POU2F3: variants seen among roughly 807,000 people sequenced by gnomAD.
The protein encoded by POU2F3 is POU domain, class 2, transcription factor 3.
POU2F3 carries 23 observed loss-of-function variants against 59.2 expected under a neutral mutation model. That is an observed-to-expected ratio of 0.39 (90% CI 0.28 to 0.55). The LOEUF is 0.55. Among genes scored for constraint, POU2F3 ranks in the 20% least tolerant of loss-of-function variants. The pLI, the probability that POU2F3 is intolerant of heterozygous loss-of-function variation, is 0.66. For synonymous variants in POU2F3, 190 were observed against 214.6 expected (o/e 0.89, Z 1.00); for missense variants, 473 against 544.5 (o/e 0.87, Z 1.31).
chr11:120,313,058 G>A (rs1941690240), intron 10 of POU2F3, among the ~76,000 whole-genome samples: 1 of 152,134 alleles, frequency 6.6e-6, no homozygotes, highest in South Asian at 2.1e-4. Context: ...TGAGGAGGCT[G>A]GAATGGTAGG....
At chr11:120,305,393 G>A in intron 7 of POU2F3, 181 bp downstream of exon 7, 2 of 903,314 alleles carry the variant, frequency 2.2e-6, no homozygotes, top group Admixed American at 2.9e-5. Flanking sequence ...GACGTTGCTG[G>A]TGGAGGAGAA....
chr11:120,253,093 G>T (rs1939182104), intron 2 of POU2F3, among the ~76,000 whole-genome samples: 1 of 152,030 alleles, frequency 6.6e-6, no homozygotes, highest in Non-Finnish European at 1.5e-5. Flanking sequence ...CTGGGAGGAG[G>T]ACCAGTGTTT....
At chr11:120,258,629 C>T (rs990936802) in intron 2 of POU2F3, among the ~76,000 whole-genome samples, 1 of 152,164 alleles carries the variant, frequency 6.6e-6, no homozygotes, top group Non-Finnish European at 1.5e-5. Context: ...TATTTAACTT[C>T]CTTTGAAGTT....
chr11:120,267,028 A>C (rs1466256919), intron 2 of POU2F3, among the ~76,000 whole-genome samples: 1 of 150,284 alleles, frequency 6.7e-6, no homozygotes. Context: ...CAATGTCACA[A>C]AGGGATTTTT....
At chr11:120,272,925 A>C (rs563783575) in intron 3 of POU2F3, among the ~76,000 whole-genome samples, 3 of 152,292 alleles carry the variant, frequency 2.0e-5, no homozygotes, top group African/African-American at 7.2e-5. Context: ...TTTCCTGACA[A>C]ATAAACTGGA....
chr11:120,290,069 C>A (rs1014147105), intron 3 of POU2F3, among the ~76,000 whole-genome samples: 1 of 152,178 alleles, frequency 6.6e-6, no homozygotes, highest in African/African-American at 2.4e-5. Context: ...CAGAAGACCA[C>A]CTTTTCCAGC....
rs200735927 is a variant in POU2F3, at chr11:120,319,853, T to TA, written c.*1472dup. On this transcript the variant is annotated 3_prime_UTR_variant, in exon 13 of 13. Coordinates refer to ENST00000543440, the MANE Select transcript of POU2F3 (RefSeq NM_014352.4). ...TGAAGCCATTCCAGAAATGGTAACTTAAAAAAAAAAAGACTACATGTCTAG... is the reference window on the plus strand; with the variant it reads ...TGAAGCCATTCCAGAAATGGTAACTTAAAAAAAAAAAAGACTACATGTCTAG... 16,985 of 146,228 alleles carry TA rather than the reference T, an allele frequency of 0.12. 1,141 individuals are homozygous for TA. The highest frequency in any genetic ancestry group is 0.24 in the South Asian group (1,090 of 4,594). 9.1% of individuals were successfully genotyped at this position (146,228 alleles called of 1,614,324 possible).
intron 5 of POU2F3, chr11:120,301,489 C>T (rs1252874219): frequency 6.3e-6 from 1 of 159,270 alleles, no homozygotes. Context: ...TACATTGTGA[C>T]CCAGAACAGC....
rs143697933 is a variant in POU2F3, at chr11:120,306,875, G to A, written c.770-604G>A. On this transcript the variant is annotated intron_variant, in intron 8 of 12. Transcript: ENST00000543440. ...TGAGCGAAATGATCCGAAGGTCTTCGAATCTCTGGGGAAGGGCCCTGTGAC... is the reference window on the plus strand; with the variant it reads ...TGAGCGAAATGATCCGAAGGTCTTCAAATCTCTGGGGAAGGGCCCTGTGAC... Among the ~76,000 whole-genome samples the A allele has an allele frequency of 4.6e-5, 7 of 152,306 alleles. No individual in the cohort carries two copies. The East Asian group carries it at 9.7e-4, about 21-fold the overall frequency.
chr11:120,314,979 C>A (rs1941744211), intron 10 of POU2F3, among the ~76,000 whole-genome samples: 1 of 152,184 alleles, frequency 6.6e-6, no homozygotes, highest in Non-Finnish European at 1.5e-5. Flanking sequence ...CAATGGAGAC[C>A]AGAAAATGAC....
intron 3 of POU2F3, among the ~76,000 whole-genome samples, chr11:120,283,941 A>G (rs1940679413): frequency 7.4e-6 from 1 of 134,452 alleles, no homozygotes; most frequent in Non-Finnish European, 1.5e-5. Flanking sequence ...AAATAAATGC[A>G]TGGAGGCAAG....
At chr11:120,302,487 G>C in intron 6 of POU2F3, 119 bp downstream of exon 6, 1 of 904,896 alleles carries the variant, frequency 1.1e-6, no homozygotes, top group Non-Finnish European at 1.7e-6. Flanking sequence ...AGAGGGGATA[G>C]CAGGGAACTA....
chr11:120,298,523 G>A (rs1264212004), intron 4 of POU2F3, 133 bp downstream of exon 4: 4 of 1,288,448 alleles, frequency 3.1e-6, no homozygotes, highest in South Asian at 1.4e-5. Flanking sequence ...GAGGCTGTGA[G>A]TAGGGTTCTA....
chr11:120,299,146 C>T (rs1941272967), intron 4 of POU2F3, among the ~76,000 whole-genome samples: 1 of 152,130 alleles, frequency 6.6e-6, no homozygotes, highest in Non-Finnish European at 1.5e-5. Flanking sequence ...TTTGCTCCAC[C>T]CCCCAACTCC....
chr11:120,239,510 GGGA>G (rs1938581237), upstream of POU2F3, among the ~76,000 whole-genome samples: 1 of 151,974 alleles, frequency 6.6e-6, no homozygotes, highest in South Asian at 2.1e-4. Flanking sequence ...GACCTGGGGC[GGGA>G]GACTGGAGGG....
chr11:120,316,484 G>T (rs1941792060), intron 11 of POU2F3, among the ~76,000 whole-genome samples: 1 of 152,294 alleles, frequency 6.6e-6, no homozygotes, highest in East Asian at 1.9e-4. Context: ...GCAATGTGGT[G>T]ACACAATCAT....
At chr11:120,293,846 G>C (rs1157155682) in intron 3 of POU2F3, among the ~76,000 whole-genome samples, 1 of 152,152 alleles carries the variant, frequency 6.6e-6, no homozygotes, top group Admixed American at 6.5e-5. Flanking sequence ...CGTCACCGAT[G>C]GTCTATTCTC....
intron 6 of POU2F3, chr11:120,302,626 T>C: frequency 2.1e-6 from 1 of 478,430 alleles, no homozygotes; most frequent in Non-Finnish European, 3.8e-6. Flanking sequence ...CTCCAGGCAC[T>C]GAACTCCAAC....
At chr11:120,286,446 T>C (rs1940784935) in intron 3 of POU2F3, among the ~76,000 whole-genome samples, 2 of 152,198 alleles carry the variant, frequency 1.3e-5, no homozygotes, top group African/African-American at 4.8e-5. Context: ...TAGCCATCCA[T>C]TTACCTATTT....
Sources: allele counts gnomAD v4.1 joint callset (sites outside exome capture counted in the v4.1 genomes callset), GRCh38; gene constraint gnomAD v4.1.1; transcripts MANE v1.5; gene names NCBI Gene and HGNC (gene_info 2026-07-23, HGNC 2026-07-21).